Variants in NKAIN2 observed in about 807,000 individuals in gnomAD.
NKAIN2 encodes the protein sodium/potassium transporting ATPase interacting 2.
In NKAIN2, 14 loss-of-function variants were observed where a neutral mutation model predicts 32.6. The ratio of observed to expected loss-of-function variants is 0.43; its 90% confidence interval spans 0.28 to 0.67. The LOEUF (loss-of-function observed/expected upper bound fraction) is 0.67. Ranked by LOEUF, NKAIN2 falls within the 30% of genes least tolerant of loss-of-function variation. NKAIN2 has a pLI of 0.17. For missense variants in NKAIN2, 198 were observed against 258.3 expected, an observed-to-expected ratio of 0.77 and a Z score of 1.60; for synonymous variants, 80 against 87.2, an observed-to-expected ratio of 0.92 and a Z score of 0.46.
intron 1 of NKAIN2, among the ~76,000 whole-genome samples, chr6:124,137,248 C>A (rs954721199): frequency 1.3e-5 from 2 of 151,958 alleles, no homozygotes; most frequent in African/African-American, 4.8e-5. Flanking sequence ...AGAACTCAAT[C>A]TTTTTTTCAA....
intron 1 of NKAIN2, among the ~76,000 whole-genome samples, chr6:124,115,982 A>G (rs956106882): frequency 4.6e-5 from 7 of 152,004 alleles, no homozygotes; most frequent in African/African-American, 1.7e-4. Flanking sequence ...CATACTTTTT[A>G]CTAAATATCA....
chr6:123,884,951 T>G (rs1773644133), intron 1 of NKAIN2, among the ~76,000 whole-genome samples: 1 of 152,186 alleles, frequency 6.6e-6, no homozygotes, highest in South Asian at 2.1e-4. Context: ...TTATCACTGT[T>G]CTATATGCCT....
At chr6:123,827,114 T>C (rs1304502507) in intron 1 of NKAIN2, among the ~76,000 whole-genome samples, 1 of 152,182 alleles carries the variant, frequency 6.6e-6, no homozygotes, top group Non-Finnish European at 1.5e-5. Context: ...TATCTTTTCA[T>C]GTGGTTATTG....
intron 5 of NKAIN2, among the ~76,000 whole-genome samples, chr6:124,812,112 A>G (rs933186681): frequency 1.3e-5 from 2 of 152,194 alleles, no homozygotes; most frequent in Non-Finnish European, 2.9e-5. Flanking sequence ...ATGCAAATGC[A>G]TGTCCTAACC....
chr6:124,377,731 A>G (rs1186107249), intron 3 of NKAIN2, among the ~76,000 whole-genome samples: 1 of 152,180 alleles, frequency 6.6e-6, no homozygotes, highest in Non-Finnish European at 1.5e-5. Context: ...ATTGAGGTAA[A>G]TGGAATGATT....
chr6:123,993,468 G>C (rs1010056119), intron 1 of NKAIN2, among the ~76,000 whole-genome samples: 2 of 152,010 alleles, frequency 1.3e-5, no homozygotes, highest in Admixed American at 6.6e-5. Flanking sequence ...TTCTTTTCAG[G>C]TCTCAAGATA....
intron 1 of NKAIN2, among the ~76,000 whole-genome samples, chr6:123,851,596 CT>C (rs1775351489): frequency 6.6e-6 from 1 of 152,058 alleles, no homozygotes; most frequent in African/African-American, 2.4e-5. Context: ...CCATAATAGC[CT>C]TACTAATTTG....
chr6:124,226,799 T>C (rs1351178152), intron 1 of NKAIN2, among the ~76,000 whole-genome samples: 2 of 152,120 alleles, frequency 1.3e-5, no homozygotes, highest in Non-Finnish European at 2.9e-5. Flanking sequence ...TAAATGAATC[T>C]GTCAGATAAG....
chr6:123,895,206 CACACACACACAA>C (rs1463446923), intron 1 of NKAIN2, among the ~76,000 whole-genome samples: 1 of 151,860 alleles, frequency 6.6e-6, no homozygotes, highest in African/African-American at 2.4e-5. Flanking sequence ...CAGACACACA[CACACACACACAA>C]GAACACACAC....
intron 1 of NKAIN2, among the ~76,000 whole-genome samples, chr6:124,217,283 T>A (rs1015411540): frequency 6.6e-6 from 1 of 152,090 alleles, no homozygotes; most frequent in African/African-American, 2.4e-5. Flanking sequence ...ATATTACATG[T>A]GGTTATAAAT....
chr6:123,862,699 A>C (rs1775831746), intron 1 of NKAIN2, among the ~76,000 whole-genome samples: 1 of 151,978 alleles, frequency 6.6e-6, no homozygotes, highest in South Asian at 2.1e-4. Context: ...TGCCCACAAT[A>C]TCCATTGTTA....
chr6:124,126,246 AATCTAATCCT>A (rs1786158109), intron 1 of NKAIN2, among the ~76,000 whole-genome samples: 1 of 152,122 alleles, frequency 6.6e-6, no homozygotes, highest in Non-Finnish European at 1.5e-5. Context: ...TCACACCTGG[AATCTAATCCT>A]ATCATGTTTT....
intron 1 of NKAIN2, among the ~76,000 whole-genome samples, chr6:123,947,307 A>T (rs1272944399): frequency 6.6e-6 from 1 of 152,180 alleles, no homozygotes; most frequent in African/African-American, 2.4e-5. Context: ...TAACCTGAAC[A>T]TATGTTTCCT....
chr6:124,420,186 C>A (rs332595), intron 3 of NKAIN2, among the ~76,000 whole-genome samples: 23,377 of 151,936 alleles, frequency 0.15, 2,220 homozygotes, highest in East Asian at 0.24. Flanking sequence ...ATCAAATATT[C>A]TTTTCTGTGG....
chr6:124,677,716 C>T lies in NKAIN2; in HGVS notation c.474+19330C>T, dbSNP rs1036861959. Among the ~76,000 whole-genome samples the T allele has an allele frequency of 3.9e-5, 6 of 151,920 alleles. No homozygotes were observed. In the South Asian group the frequency reaches 1.0e-3, roughly 26 times the overall value. On this transcript the variant is annotated intron_variant, in intron 4 of 6. Transcript: ENST00000368417. ...GTTATTTTTGTAATTTTGTATTTTA[C>T]TTCTATGTCAGAATTAAAATTGATT...
intron 1 of NKAIN2, among the ~76,000 whole-genome samples, chr6:124,066,438 G>A (rs763248371): frequency 2.6e-5 from 4 of 152,108 alleles, no homozygotes; most frequent in Admixed American, 2.0e-4. Context: ...CTAATTAATT[G>A]CTTCTGCAGA....
intron 2 of NKAIN2, among the ~76,000 whole-genome samples, chr6:124,310,747 AT>A (rs1252865835): frequency 6.6e-6 from 1 of 152,132 alleles, no homozygotes; most frequent in Non-Finnish European, 1.5e-5. Flanking sequence ...TGATTCTTAG[AT>A]TGCCAGCGAA....
In NKAIN2 at chr6:124,189,570, C is replaced by A. The variant is rs143621003; in HGVS notation, c.55-93435C>A. On this transcript the variant is annotated intron_variant, in intron 1 of 6. Transcript: ENST00000368417. ...AAAAAGTTAGCCTGGTGTGGTGGCA[C>A]GCACCTGTAGTCCCAGCTACTCAGG... 2.6e-5 allele frequency among the ~76,000 whole-genome samples: 4 copies of A among 152,098 alleles called. No homozygotes were observed. The East Asian group carries it at 7.7e-4, about 29-fold the overall frequency.
intron 3 of NKAIN2, among the ~76,000 whole-genome samples, chr6:124,652,817 C>A (rs189585455): frequency 1.3e-3 from 198 of 152,256 alleles, no homozygotes; most frequent in Non-Finnish European, 2.2e-3. Context: ...CCAGTCATAG[C>A]AGCATTAGTC....
Sources: gnomAD v4.1 joint callset for allele counts (sites outside exome capture counted in the v4.1 genomes callset) on GRCh38, gnomAD v4.1.1 for gene constraint, MANE v1.5 for transcripts, NCBI Gene and HGNC (gene_info 2026-07-23, HGNC 2026-07-21) for gene names.